Variants in PKHD1 observed in about 807,000 individuals in gnomAD.
PKHD1 encodes fibrocystin.
A neutral mutation model predicts 412.0 loss-of-function variants in PKHD1; 291 were observed. The observed-to-expected ratio is 0.71, with a 90% confidence interval of 0.64 to 0.78. The LOEUF (loss-of-function observed/expected upper bound fraction) is 0.78, where lower values mean the gene tolerates loss of function less well. Among genes scored for constraint, PKHD1 ranks in the 30% least tolerant of loss-of-function variants. PKHD1 has a pLI of 0.00. For missense variants in PKHD1, 4,825 were observed against 4,950.7 expected, an observed-to-expected ratio of 0.97 and a Z score of 0.76; for synonymous variants, 1,777 against 1,821.5, an observed-to-expected ratio of 0.98 and a Z score of 0.62.
chr6:52,083,202 T>A lies in PKHD1; in HGVS notation c.106A>T (p.Thr36Ser), dbSNP rs758858303. ...EPEEGSLAGG[T>S]WITVIFDGLE... ...CCATCAAAAATGACTGTGATCCACG[T>A]TCCCCCTGCAAGGCTACCTTCTTCA... is the stretch of plus-strand genomic sequence containing the variant. The change falls in exon 3 of 67, where the codon ACG becomes TCG. Residue 36 changes from threonine to serine, a missense_variant. Physicochemically the swap from Thr to Ser is moderately conservative, Grantham distance 58. Transcript: ENST00000371117. The A allele has an allele frequency of 2.5e-6, 4 of 1,611,218 alleles. No homozygotes were observed. Among genetic ancestry groups the A allele is most frequent in the East Asian group, 2.2e-5 (1 of 44,856 alleles).
At chr6:51,945,062 T>C (rs984976389) in intron 36 of PKHD1, among the ~76,000 whole-genome samples, 33 of 152,174 alleles carry the variant, frequency 2.2e-4, no homozygotes, top group Admixed American at 2.0e-3. Flanking sequence ...TGTCATTACA[T>C]AGAAATGCAG....
intron 60 of PKHD1, among the ~76,000 whole-genome samples, chr6:51,739,206 G>T (rs115867579): frequency 0.13 from 19,810 of 149,258 alleles, 1,364 homozygotes; most frequent in Middle Eastern, 0.21. Flanking sequence ...ATGTGTGCAT[G>T]TGTATGTACA....
At chr6:52,053,897 A>G in intron 20 of PKHD1, 141 bp downstream of exon 20, 2 of 856,556 alleles carry the variant, frequency 2.3e-6, no homozygotes, top group Non-Finnish European at 3.8e-6. Context: ...TTTTTGTCAA[A>G]TAAAATATAT....
At chr6:51,857,590 T>C (rs1231224426) in intron 48 of PKHD1, among the ~76,000 whole-genome samples, 2 of 152,108 alleles carry the variant, frequency 1.3e-5, no homozygotes, top group Non-Finnish European at 2.9e-5. Context: ...AGATCTCATA[T>C]AGGTACTATG....
intron 36 of PKHD1, among the ~76,000 whole-genome samples, chr6:51,958,122 G>A (rs925924837): frequency 2.0e-4 from 31 of 151,924 alleles, no homozygotes; most frequent in Admixed American, 1.6e-3. Flanking sequence ...AAACCTCAGC[G>A]TTTCACTCTA....
rs187439048 is a variant in PKHD1, at chr6:51,702,652, C to T, written c.10156+41733G>A. Among the ~76,000 whole-genome samples the T allele has an allele frequency of 3.3e-3, 508 of 151,886 alleles. 2 individuals carry two copies. The highest frequency in any genetic ancestry group is 0.012 in the African/African-American group (485 of 41,462). Reference sequence around the variant, plus strand: ...TATAATACAAATTTTAATAACTGAACAAGAAACTTTGATTCCAAGATCTAG... The same window carrying T: ...TATAATACAAATTTTAATAACTGAATAAGAAACTTTGATTCCAAGATCTAG... On this transcript the variant is annotated intron_variant, in intron 60 of 66. Transcript: ENST00000371117.
chr6:51,802,879 T>C (rs1269680704), intron 52 of PKHD1, among the ~76,000 whole-genome samples: 3 of 151,146 alleles, frequency 2.0e-5, no homozygotes, highest in Non-Finnish European at 4.4e-5. Context: ...TGACTTTTTT[T>C]CTTAAGTTCT....
intron 60 of PKHD1, chr6:51,720,919 A>C: frequency 1.1e-6 from 1 of 904,554 alleles, no homozygotes; most frequent in Non-Finnish European, 1.3e-6. Context: ...TATCTGTTGA[A>C]GAAATGAGTT....
intron 27 of PKHD1, among the ~76,000 whole-genome samples, chr6:52,037,176 G>GA (rs1312759575): frequency 5.3e-5 from 8 of 151,400 alleles, no homozygotes; most frequent in East Asian, 1.9e-4. Flanking sequence ...AAATATCACT[G>GA]AAAAAAAACT....
chr6:52,024,640 C>T lies in PKHD1; in HGVS notation c.5170G>A (p.Gly1724Arg). 3.1e-6 allele frequency: 5 copies of T among 1,614,170 alleles called. No individual in the cohort carries two copies. The highest frequency in any genetic ancestry group is 4.2e-6 in the Non-Finnish European group (5 of 1,180,006). The change falls in exon 32 of 67, where the codon GGG becomes AGG. Residue 1724 changes from glycine (G) to arginine (R), a missense_variant. Gly to Arg is a moderately radical substitution (Grantham distance 125). Coordinates refer to ENST00000371117, the MANE Select transcript of PKHD1 (RefSeq NM_138694.4). Reference protein sequence around the residue: ...YHVRGYDCIRGWASSALVFTS... With the variant: ...YHVRGYDCIRRWASSALVFTS... Reference sequence around the variant, plus strand: ...AACACCAGGGCAGATGAGGCCCACCCTCTGATGCAGTCATAGCCTCTGACG... The same window carrying T: ...AACACCAGGGCAGATGAGGCCCACCTTCTGATGCAGTCATAGCCTCTGACG...
chr6:51,668,354 G>A (rs892933723), intron 60 of PKHD1, among the ~76,000 whole-genome samples: 1 of 152,074 alleles, frequency 6.6e-6, no homozygotes, highest in Non-Finnish European at 1.5e-5. Context: ...TTTGTCTGTT[G>A]TTGGTGTATA....
At chr6:51,987,220 T>C (rs1796330178) in intron 35 of PKHD1, among the ~76,000 whole-genome samples, 1 of 152,160 alleles carries the variant, frequency 6.6e-6, no homozygotes, top group Non-Finnish European at 1.5e-5. Flanking sequence ...ATTAAATAAA[T>C]TGATCTGGAT....
At position 51,617,995 on chromosome 6, in the gene PKHD1, G is replaced by A. The variant is rs1417477152; in HGVS notation, c.*1086C>T. On this transcript the variant is annotated 3_prime_UTR_variant, in exon 67 of 67. Coordinates refer to ENST00000371117, the MANE Select transcript of PKHD1 (RefSeq NM_138694.4). ...TGGAGCATAAGGCCTTCTGGATCCA[G>A]AGCCAAGGACACAGTCAGGCTGTTT... The A allele has an allele frequency of 6.6e-6, 1 of 152,126 alleles. No individual in the cohort carries two copies. Among genetic ancestry groups the A allele is most frequent in the Non-Finnish European group, 1.5e-5 (1 of 68,020 alleles). The allele number at this position is 152,126 out of a possible 1,614,324, so 9.4% of individuals were successfully genotyped here.
rs1346482213 is a variant in PKHD1, at chr6:51,903,875, G to A, written c.6865+111C>T. On this transcript the variant is annotated intron_variant, in intron 42 of 66. Transcript: ENST00000371117. ...TATATATATATTTAGAAAATATTTA[G>A]TATGCACAATAAACTTAAGAGACCT... 5.5e-6 allele frequency: 3 copies of A among 545,484 alleles called. No homozygotes were observed. The Admixed American group carries it at 1.0e-4, about 19-fold the overall frequency. 33.8% of individuals were successfully genotyped at this position (545,484 alleles called of 1,614,324 possible). A position where few individuals can be genotyped will look rare whatever the true frequency, so the allele number is the denominator to read the frequency against.
At chr6:51,637,197 G>C (rs1768690344) in intron 64 of PKHD1, among the ~76,000 whole-genome samples, 1 of 152,232 alleles carries the variant, frequency 6.6e-6, no homozygotes, top group African/African-American at 2.4e-5. Context: ...AAGGACAAAG[G>C]CCTTTTAAAT....
At chr6:51,889,772 G>T (rs1175413747) in intron 43 of PKHD1, among the ~76,000 whole-genome samples, 5 of 152,080 alleles carry the variant, frequency 3.3e-5, no homozygotes, top group Non-Finnish European at 7.3e-5. Context: ...AACGCTAAGG[G>T]TTACTAACGT....
At chr6:51,961,977 A>G (rs113633432) in intron 35 of PKHD1, among the ~76,000 whole-genome samples, 4,777 of 152,208 alleles carry the variant, frequency 0.031, 108 homozygotes, top group African/African-American at 0.065. Flanking sequence ...TACAATTTTA[A>G]TGATCCTCTC....
intron 52 of PKHD1, among the ~76,000 whole-genome samples, chr6:51,820,481 G>A (rs1164856289): frequency 6.6e-6 from 1 of 152,116 alleles, no homozygotes; most frequent in African/African-American, 2.4e-5. Context: ...TAGAACCAGT[G>A]CTAGGTACTG....
intron 49 of PKHD1, among the ~76,000 whole-genome samples, chr6:51,853,568 A>G (rs1452353778): frequency 6.6e-6 from 1 of 152,124 alleles, no homozygotes; most frequent in Non-Finnish European, 1.5e-5. Context: ...CCAATCAATC[A>G]TAGGTTCAGT....
Sources: allele counts gnomAD v4.1 joint callset (sites outside exome capture counted in the v4.1 genomes callset), GRCh38; gene constraint gnomAD v4.1.1; transcripts MANE v1.5; gene names NCBI Gene and HGNC (gene_info 2026-07-23, HGNC 2026-07-21).